The following UBE3D variants were observed in gnomAD, a reference collection of about 807,000 sequenced individuals.
UBE3D encodes E3 ubiquitin-protein ligase E3D.
UBE3D carries 48 observed loss-of-function variants against 49.6 expected under a neutral mutation model. The ratio of observed to expected loss-of-function variants is 0.97; its 90% confidence interval spans 0.77 to 1.23. The LOEUF (loss-of-function observed/expected upper bound fraction) is 1.23, where lower values mean the gene tolerates loss of function less well. Ranked by LOEUF, UBE3D falls within the 50% of genes most tolerant of loss-of-function variation. UBE3D has a pLI of 0.00. For missense variants in UBE3D, 452 were observed against 468.4 expected (o/e 0.96, Z 0.32); for synonymous variants, 189 against 174.2 (o/e 1.08, Z -0.67).
chr6:83,052,917 A>G (rs2127839777), intron 3 of UBE3D, among the ~76,000 whole-genome samples: 1 of 152,340 alleles, frequency 6.6e-6, no homozygotes, highest in South Asian at 2.1e-4. Flanking sequence ...TTAGGTGAAC[A>G]AACAGTAGCC....
chr6:83,052,057 T>C (rs1479070839), intron 3 of UBE3D, among the ~76,000 whole-genome samples: 3 of 152,368 alleles, frequency 2.0e-5, no homozygotes, highest in African/African-American at 7.2e-5. Flanking sequence ...ATTATAGCAG[T>C]AGCTAATACA....
chr6:82,937,446 T>C lies in UBE3D; in HGVS notation c.1149+19866A>G, dbSNP rs557574791. On this transcript the variant is annotated intron_variant, in intron 9 of 9. Transcript: ENST00000369747. ...TTCAATCTTGATCCCACTTTGTTTC[T>C]AAAAGCAGACACATATCTTTAGCCT... Among the ~76,000 whole-genome samples the C allele has an allele frequency of 1.2e-4, 19 of 152,302 alleles. No individual in the cohort carries two copies. In the South Asian group the frequency reaches 3.9e-3, roughly 32 times the overall value.
In UBE3D at chr6:83,060,964, T is replaced by C. The variant is rs187832105; in HGVS notation, c.78-2942A>G. On this transcript the variant is annotated intron_variant, in intron 1 of 9. Transcript: ENST00000369747. ...GGTATTTACATAATCTCAGAATACC[T>C]CTCCAATTACTGATTATGAAGAGAA... Among the ~76,000 whole-genome samples the C allele has an allele frequency of 1.8e-4, 27 of 152,214 alleles. 1 individual carries two copies. Among genetic ancestry groups the C allele is most frequent in the Admixed American group, 9.8e-4 (15 of 15,294 alleles).
chr6:83,019,033 C>A lies in UBE3D; in HGVS notation c.950G>T (p.Ser317Ile), dbSNP rs761572341. 90 of 1,613,734 alleles carry A rather than the reference C, an allele frequency of 5.6e-5. No individual in the cohort carries two copies. The highest frequency in any genetic ancestry group is 6.9e-5 in the Non-Finnish European group (81 of 1,179,884). Reference sequence around the variant, plus strand: ...GACCTTGACAGCACTCCAGGCAGAACTAGAATCGGCTTTGAATGTGTTTTC... The same window carrying A: ...GACCTTGACAGCACTCCAGGCAGAAATAGAATCGGCTTTGAATGTGTTTTC... ...LLENTFKADS[S>I]SAWSAVKVLY... The change falls in exon 8 of 10, where the codon AGT becomes ATT. Residue 317 changes from serine (S) to isoleucine (I), a missense_variant. Transcript: ENST00000369747.
At chr6:83,032,127 G>A (rs1330325508) in intron 5 of UBE3D, 4 of 451,436 alleles carry the variant, frequency 8.9e-6, no homozygotes, top group Non-Finnish European at 1.8e-5. Context: ...GTGAGAAGAG[G>A]GTCACAATCC....
intron 9 of UBE3D, among the ~76,000 whole-genome samples, chr6:82,942,709 G>C (rs1360692483): frequency 6.6e-6 from 1 of 152,222 alleles, no homozygotes; most frequent in Non-Finnish European, 1.5e-5. Context: ...GTCAAGAATT[G>C]AAGTTTGGGA....
At chr6:83,029,311 T>G (rs2127786707) in intron 5 of UBE3D, among the ~76,000 whole-genome samples, 1 of 152,320 alleles carries the variant, frequency 6.6e-6, no homozygotes, top group East Asian at 1.9e-4. Flanking sequence ...AGACTTTTTT[T>G]GTTTGGTTAA....
Position 82,942,952 on chromosome 6 carries a change from C to T in UBE3D, c.1149+14360G>A, listed in dbSNP as rs542959899. On this transcript the variant is annotated intron_variant, in intron 9 of 9. Transcript: ENST00000369747. ...AGCTCCACCGACAGCTTGCACTGTG[C>T]ACCTGCACAGACACTCAACACCAGC... 5.3e-5 allele frequency among the ~76,000 whole-genome samples: 8 copies of T among 152,294 alleles called. No homozygotes were observed. In the East Asian group the frequency reaches 1.4e-3, roughly 26 times the overall value.
At chr6:82,885,299 T>C in the UBE3D span, among the ~76,000 whole-genome samples, 1 of 152,198 alleles carries the variant, frequency 6.6e-6, no homozygotes, top group African/African-American at 2.4e-5. Flanking sequence ...TGCAACCAGA[T>C]TGGTTTTTCT....
At chr6:83,023,641 C>A (rs755934873) in intron 6 of UBE3D, among the ~76,000 whole-genome samples, 1 of 152,254 alleles carries the variant, frequency 6.6e-6, no homozygotes, top group Non-Finnish European at 1.5e-5. Flanking sequence ...GAATGGAAAA[C>A]CAAACATCGT....
At chr6:82,927,964 G>C (rs956014353) in intron 9 of UBE3D, among the ~76,000 whole-genome samples, 4 of 151,690 alleles carry the variant, frequency 2.6e-5, no homozygotes, top group African/African-American at 9.7e-5. Flanking sequence ...ATACTATGTT[G>C]GTACATACAT....
chr6:82,929,674 G>A (rs140877012), intron 9 of UBE3D, among the ~76,000 whole-genome samples: 2 of 151,780 alleles, frequency 1.3e-5, no homozygotes, highest in East Asian at 3.9e-4. Flanking sequence ...TCATCCAATT[G>A]CTAAAAAGCC....
chr6:83,064,062 G>C (rs1784343953), intron 1 of UBE3D, among the ~76,000 whole-genome samples: 1 of 152,144 alleles, frequency 6.6e-6, no homozygotes, highest in Admixed American at 6.5e-5. Flanking sequence ...AAAAGGAATG[G>C]ACTACTGATA....
At chr6:83,005,616 C>T (rs1207701988) in intron 8 of UBE3D, among the ~76,000 whole-genome samples, 1 of 149,092 alleles carries the variant, frequency 6.7e-6, no homozygotes, top group Non-Finnish European at 1.5e-5. Context: ...GGTGCGGTCT[C>T]TATTTTTTTT....
intron 9 of UBE3D, among the ~76,000 whole-genome samples, chr6:82,930,454 G>C (rs766493952): frequency 2.0e-5 from 3 of 152,308 alleles, no homozygotes; most frequent in Non-Finnish European, 2.9e-5. Context: ...CTCAGAAGAA[G>C]ATAGGAAAAT....
intron 9 of UBE3D, among the ~76,000 whole-genome samples, chr6:82,920,991 G>A (rs976674521): frequency 6.9e-6 from 1 of 144,532 alleles, no homozygotes; most frequent in Admixed American, 7.1e-5. Flanking sequence ...TGCCCAGGCT[G>A]GATACCCAGG....
intron 8 of UBE3D, among the ~76,000 whole-genome samples, chr6:83,006,068 T>TA (rs1312487346): frequency 4.6e-5 from 7 of 151,792 alleles, no homozygotes; most frequent in Non-Finnish European, 5.9e-5. Flanking sequence ...CTACTAAAAA[T>TA]ACAAAAATTA....
At chr6:82,995,469 A>G (rs1779172767) in intron 8 of UBE3D, among the ~76,000 whole-genome samples, 1 of 141,208 alleles carries the variant, frequency 7.1e-6, no homozygotes, top group South Asian at 2.3e-4. Flanking sequence ...TCAAAACCAG[A>G]TAAAGGATTA....
At chr6:83,032,429 G>C in intron 5 of UBE3D, 1 of 369,044 alleles carries the variant, frequency 2.7e-6, no homozygotes. Flanking sequence ...CTCCTATTTG[G>C]AATGGGTGTA....
Sources: allele counts gnomAD v4.1 joint callset (sites outside exome capture counted in the v4.1 genomes callset), GRCh38; gene constraint gnomAD v4.1.1; transcripts MANE v1.5; gene names NCBI Gene and HGNC (gene_info 2026-07-23, HGNC 2026-07-21).